Variants in ZDHHC17 observed in about 807,000 individuals in gnomAD.
The protein encoded by ZDHHC17 is palmitoyltransferase ZDHHC17.
Under a neutral mutation model 90.3 loss-of-function variants are expected in ZDHHC17, and 40 were observed. The ratio of observed to expected loss-of-function variants is 0.44; its 90% CI spans 0.34 to 0.58. The LOEUF is 0.58. Among genes scored for constraint, ZDHHC17 ranks in the 20% least tolerant of loss-of-function variants. The probability of loss-of-function intolerance (pLI) is 0.01; values close to 1 mark genes in which losing one functional copy is unlikely to be tolerated. For missense variants in ZDHHC17, 614 were observed against 780.8 expected, an observed-to-expected ratio of 0.79 and a Z score of 2.55; for synonymous variants, 235 against 252.4, an observed-to-expected ratio of 0.93 and a Z score of 0.65.
intron 8 of ZDHHC17, among the ~76,000 whole-genome samples, chr12:76,825,453 A>G (rs1005188574): frequency 6.6e-6 from 1 of 152,156 alleles, no homozygotes; most frequent in Non-Finnish European, 1.5e-5. Context: ...TTATAGTACC[A>G]TTTTATGTAC....
At chr12:76,776,252 T>C (rs953689823) in intron 1 of ZDHHC17, among the ~76,000 whole-genome samples, 1 of 152,172 alleles carries the variant, frequency 6.6e-6, no homozygotes, top group Non-Finnish European at 1.5e-5. Context: ...TTTAAAGGTA[T>C]CAGAAATTTA....
chr12:76,812,632 A>G (rs746986722), intron 5 of ZDHHC17, among the ~76,000 whole-genome samples: 1 of 151,874 alleles, frequency 6.6e-6, no homozygotes, highest in Non-Finnish European at 1.5e-5. Flanking sequence ...TTTCAGCTTT[A>G]GATAGTTTTC....
intron 1 of ZDHHC17, chr12:76,781,752 G>A (rs1952629800): frequency 2.2e-6 from 1 of 449,236 alleles, no homozygotes; most frequent in Non-Finnish European, 4.5e-6. Context: ...ACACAAAATG[G>A]ACTAAGACAG....
chr12:76,846,175 G>A (rs1953493024), intron 13 of ZDHHC17: 2 of 230,340 alleles, frequency 8.7e-6, no homozygotes, highest in Admixed American at 5.2e-5. Flanking sequence ...ATAGTCTAAG[G>A]AGAGAAACTA....
chr12:76,797,705 G>C (rs1952837254), intron 2 of ZDHHC17, among the ~76,000 whole-genome samples, 168 bp downstream of exon 2: 1 of 152,124 alleles, frequency 6.6e-6, no homozygotes, highest in Admixed American at 6.5e-5. Flanking sequence ...TACTTTGCAA[G>C]GCCGAGGAGG....
chr12:76,834,290 A>T (rs942746990), intron 10 of ZDHHC17, among the ~76,000 whole-genome samples: 2 of 152,206 alleles, frequency 1.3e-5, no homozygotes, highest in African/African-American at 2.4e-5. Context: ...TCAACTGCTT[A>T]TTGTGTTGAC....
At chr12:76,845,662 C>T (rs548613493) in intron 12 of ZDHHC17, 47 bp from the exon 13 acceptor site, 3 of 846,886 alleles carry the variant, frequency 3.5e-6, no homozygotes, top group South Asian at 4.2e-5. Context: ...CAGCTTTTCT[C>T]TCTTAGTATA....
At chr12:76,815,273 G>A in intron 6 of ZDHHC17, 63 bp downstream of exon 6, 1 of 1,206,876 alleles carries the variant, frequency 8.3e-7, no homozygotes, top group South Asian at 1.5e-5. Flanking sequence ...TGAAGTAAGA[G>A]AGAGGAAAAA....
At chr12:76,809,497 TTA>T (rs1487322997) in intron 4 of ZDHHC17, among the ~76,000 whole-genome samples, 1 of 152,136 alleles carries the variant, frequency 6.6e-6, no homozygotes, top group Non-Finnish European at 1.5e-5. Context: ...TTTAAATAAG[TTA>T]TGAGTACTTC....
chr12:76,819,511 C>T (rs1953133588), intron 7 of ZDHHC17, among the ~76,000 whole-genome samples: 1 of 152,026 alleles, frequency 6.6e-6, no homozygotes, highest in South Asian at 2.1e-4. Context: ...AAAAATTACG[C>T]TTTGTGTTAT....
chr12:76,818,187 G>T (rs566036072), intron 7 of ZDHHC17, among the ~76,000 whole-genome samples: 1 of 151,568 alleles, frequency 6.6e-6, no homozygotes, highest in South Asian at 2.1e-4. Flanking sequence ...ACTTTCAGGG[G>T]AAAAATTACC....
rs1953082672 is a variant in ZDHHC17 at position 76,815,946 on chromosome 12, T to C, written c.698T>C (p.Val233Ala). The C allele has an allele frequency of 1.9e-6, 3 of 1,583,928 alleles. No homozygotes were observed. The East Asian group carries it at 6.8e-5, about 36-fold the overall frequency. The change falls in exon 7 of 17, where the codon GTG becomes GCG. Residue 233 changes from valine (V) to alanine (A), a missense_variant. Transcript: ENST00000426126. ...AAAAACACTGCTCTGCATTGGGCAGTGCTAGCAGGGAATACCACAGTCATT... is the reference window on the plus strand; with the variant it reads ...AAAAACACTGCTCTGCATTGGGCAGCGCTAGCAGGGAATACCACAGTCATT... ...YHKNTALHWA[V>A]LAGNTTVISL...
chr12:76,764,313 C>G lies in ZDHHC17; in HGVS notation c.77C>G (p.Pro26Arg). 6.2e-7 allele frequency: 1 copy of G among 1,601,518 alleles called. No individual in the cohort carries two copies. The highest frequency in any genetic ancestry group is 8.5e-7 in the Non-Finnish European group (1 of 1,174,144). ...TACGATACCGAAGCGGGCTGTGTGC[C>G]CCTTCTCCACCCAGAGGTGAGGAAC... ...DEYDTEAGCV[P>R]LLHPEEIKPQ... The change falls in exon 1 of 17, where the codon CCC (proline) becomes CGC (arginine). Residue 26 changes from proline to arginine, a missense_variant. Pro to Arg is a moderately radical substitution (Grantham distance 103). Coordinates refer to ENST00000426126, the MANE Select transcript of ZDHHC17 (RefSeq NM_015336.4).
intron 3 of ZDHHC17, among the ~76,000 whole-genome samples, chr12:76,807,363 C>T (rs1188433257): frequency 6.6e-6 from 1 of 152,056 alleles, no homozygotes; most frequent in Non-Finnish European, 1.5e-5. Flanking sequence ...TGTTTACAGC[C>T]CAGGTACTTA....
intron 7 of ZDHHC17, among the ~76,000 whole-genome samples, chr12:76,818,949 C>G (rs1216032297): frequency 6.6e-6 from 1 of 152,092 alleles, no homozygotes; most frequent in African/African-American, 2.4e-5. Context: ...AGATGGAGAT[C>G]AGTTAGGCTG....
intron 12 of ZDHHC17, chr12:76,844,322 C>T (rs978513365): frequency 6.6e-6 from 1 of 152,130 alleles, no homozygotes; most frequent in Non-Finnish European, 1.5e-5. Context: ...TCTTGCAGAT[C>T]AGCAGAGGTA....
intron 9 of ZDHHC17, among the ~76,000 whole-genome samples, chr12:76,827,630 C>T (rs1271016894): frequency 6.6e-6 from 1 of 152,042 alleles, no homozygotes; most frequent in African/African-American, 2.4e-5. Context: ...CAGAATTTCC[C>T]ATCTAATTTC....
At position 76,842,979 on chromosome 12, in the gene ZDHHC17, T is replaced by C; in HGVS notation, c.1327T>C (p.Leu443=). Residue 443 remains leucine (L), a splice_region_variant and synonymous_variant, in exon 12 of 17, where the codon TTG becomes CTG. Coordinates refer to ENST00000426126, the MANE Select transcript of ZDHHC17 (RefSeq NM_015336.4). ...LDLSIFCSTC[L]IRKPVRSKHC... is the part of the protein sequence containing the mutation. Reference sequence around the variant, plus strand: ...CCTCAGTATATTCTGCAGTACCTGTTTGGTAGTATTTTCTTCTTTGTTCTT... The same window carrying C: ...CCTCAGTATATTCTGCAGTACCTGTCTGGTAGTATTTTCTTCTTTGTTCTT... 6.2e-7 allele frequency: 1 copy of C among 1,608,970 alleles called. No homozygotes were observed. The highest frequency in any genetic ancestry group is 1.1e-5 in the South Asian group (1 of 90,464).
chr12:76,786,431 A>G (rs1055236563), intron 1 of ZDHHC17, among the ~76,000 whole-genome samples: 5 of 151,972 alleles, frequency 3.3e-5, no homozygotes, highest in Admixed American at 3.3e-4. Context: ...TAATTTTTGT[A>G]TTTTAGTAGA....
Sources: gnomAD v4.1 joint callset for allele counts (sites outside exome capture counted in the v4.1 genomes callset) on GRCh38, gnomAD v4.1.1 for gene constraint, MANE v1.5 for transcripts, NCBI Gene and HGNC (gene_info 2026-07-23, HGNC 2026-07-21) for gene names.